Variants in DENND4C observed in about 807,000 individuals in gnomAD.
DENND4C encodes DENN domain-containing protein 4C.
In DENND4C, 108 loss-of-function variants were observed where a neutral mutation model predicts 203.0. The ratio of observed to expected loss-of-function variants is 0.53; its 90% CI spans 0.46 to 0.62. DENND4C has a LOEUF of 0.62. Among genes scored for constraint, DENND4C ranks in the 20% least tolerant of loss-of-function variants. The pLI, the probability that DENND4C is intolerant of heterozygous loss-of-function variation, is 0.00. For synonymous variants in DENND4C, 871 were observed against 792.4 expected (o/e 1.10, Z -1.67); for missense variants, 2,481 against 2,301.2 (o/e 1.08, Z -1.60).
chr9:19,369,545 T>C (rs548501692), intron 30 of DENND4C, among the ~76,000 whole-genome samples: 3 of 151,352 alleles, frequency 2.0e-5, no homozygotes, highest in Admixed American at 1.3e-4. Context: ...GGGAGGCAGA[T>C]TGCTTGAGCC....
chr9:19,331,732 A>G (rs1165434059), intron 16 of DENND4C, among the ~76,000 whole-genome samples: 2 of 152,138 alleles, frequency 1.3e-5, no homozygotes, highest in Non-Finnish European at 2.9e-5. Flanking sequence ...CTTAATTTCT[A>G]CTCTGTTAAG....
chr9:19,235,759 C>T (rs990426119), intron 1 of DENND4C, among the ~76,000 whole-genome samples: 11 of 151,818 alleles, frequency 7.2e-5, no homozygotes, highest in Middle Eastern at 3.4e-3. Context: ...TTTAGGTGCC[C>T]GCCACCACGC....
intron 1 of DENND4C, among the ~76,000 whole-genome samples, chr9:19,257,426 G>T (rs1828269698): frequency 6.6e-6 from 1 of 150,992 alleles, no homozygotes; most frequent in Admixed American, 6.6e-5. Flanking sequence ...CTTAGGAAAT[G>T]ATTTGTAGCA....
chr9:19,286,958 C>G lies in DENND4C; in HGVS notation c.495C>G (p.Thr165=). 8.1e-7 allele frequency: 1 copy of G among 1,232,020 alleles called. No homozygotes were observed. The highest frequency in any genetic ancestry group is 1.6e-5 in the African/African-American group (1 of 64,506). The allele number at this position is 1,232,020 out of a possible 1,614,324, so 76.3% of individuals were successfully genotyped here. Residue 165 remains threonine, a synonymous_variant, in exon 3 of 33, where the codon ACC becomes ACG. Transcript: ENST00000434457. The stretch of plus-strand genomic sequence containing the variant: ...TAACTGATATCTGTGTTATTGTAAC[C>G]AGTAAAGGAGAAACTCCTCCTCATA... ...LAVTDICVIV[T]SKGETPPHTF...
At chr9:19,325,639 AG>A (rs1238948776) in intron 13 of DENND4C, among the ~76,000 whole-genome samples, 1 of 152,218 alleles carries the variant, frequency 6.6e-6, no homozygotes, top group African/African-American at 2.4e-5. Context: ...TCACTAATAA[AG>A]GGGCTTAATA....
intron 1 of DENND4C, among the ~76,000 whole-genome samples, chr9:19,246,483 A>G (rs1323591950): frequency 4.6e-5 from 7 of 152,166 alleles, no homozygotes; most frequent in South Asian, 2.1e-4. Flanking sequence ...ATGTCAAGCA[A>G]TCCTCCCACC....
intron 1 of DENND4C, among the ~76,000 whole-genome samples, chr9:19,237,622 G>A (rs1352347879): frequency 6.6e-6 from 1 of 152,194 alleles, no homozygotes; most frequent in African/African-American, 2.4e-5. Flanking sequence ...CTCCCAAAGT[G>A]CTGGGATTAC....
intron 16 of DENND4C, among the ~76,000 whole-genome samples, chr9:19,331,131 T>C (rs1485140719): frequency 1.3e-5 from 2 of 151,764 alleles, no homozygotes; most frequent in Non-Finnish European, 2.9e-5. Context: ...TACCTAAATC[T>C]GAATGAAAAC....
At position 19,335,065 on chromosome 9, in the gene DENND4C, G is replaced by A; in HGVS notation, c.2549G>A (p.Arg850Lys). Reference protein sequence around the residue: ...VRVLFEMKTARIKPNAITYGY... With the variant: ...VRVLFEMKTAKIKPNAITYGY... Reference sequence around the variant, plus strand: ...GTCTTATTTGAAATGAAAACTGCTAGGATAAAGCCTAATGCTATTACTTAT... The same window carrying A: ...GTCTTATTTGAAATGAAAACTGCTAAGATAAAGCCTAATGCTATTACTTAT... Residue 850 changes from arginine (R) to lysine (K), a missense_variant, in exon 18 of 33, where the codon AGG becomes AAG. Around this residue, in one of 3 missense-constraint regions of DENND4C, gnomAD observed 2,289 missense variants for 2,113.3 expected, o/e 1.08. Coordinates refer to ENST00000434457, the MANE Select transcript of DENND4C (RefSeq NM_001330640.2). 1.2e-6 allele frequency: 2 copies of A among 1,612,030 alleles called. No individual in the cohort carries two copies. The highest frequency in any genetic ancestry group is 1.7e-6 in the Non-Finnish European group (2 of 1,178,972).
At position 19,296,195 on chromosome 9, in the gene DENND4C, T is replaced by C. The variant is rs369054550; in HGVS notation, c.989T>C (p.Met330Thr). ...TTTGAAGCTTTTAGGAAATTTCTTA[T>C]GTTTATCTACAAACTTTCTGTGTCT... ...PFFEAFRKFLMFIYKLSVSGP... is the reference protein window; with the variant it reads ...PFFEAFRKFLTFIYKLSVSGP... The change falls in exon 6 of 33, where the codon ATG becomes ACG. Residue 330 changes from methionine to threonine, a missense_variant. Met to Thr is a moderately conservative substitution (Grantham distance 81, BLOSUM62 -1). Transcript: ENST00000434457. 3.7e-6 allele frequency: 6 copies of C among 1,613,964 alleles called. No homozygotes were observed. Among genetic ancestry groups the C allele is most frequent in the South Asian group, 2.2e-5 (2 of 91,066 alleles).
At position 19,346,002 on chromosome 9, in the gene DENND4C, A is replaced by G; in HGVS notation, c.3233A>G (p.Asn1078Ser). 1 of 1,614,166 alleles carries G rather than the reference A, an allele frequency of 6.2e-7. No individual in the cohort carries two copies. The highest frequency in any genetic ancestry group is 1.1e-5 in the South Asian group (1 of 91,080). ...GGCGAAGCTACTAATCTCAAGAAGA[A>G]TGGTGATAGAGGAGAAAAAAGACAA... ...VFGEATNLKK[N>S]GDRGEKRQKH... is the part of the protein sequence containing the mutation. The change falls in exon 23 of 33, where the codon AAT becomes AGT. Residue 1078 changes from asparagine (N) to serine (S), a missense_variant. This residue lies in a region of DENND4C where 2,289 missense variants were observed against 2,113.3 expected (regional missense o/e 1.08). Coordinates refer to ENST00000434457, the MANE Select transcript of DENND4C (RefSeq NM_001330640.2).
At chr9:19,340,490 G>C (rs545327515) in intron 20 of DENND4C, among the ~76,000 whole-genome samples, 15 of 152,010 alleles carry the variant, frequency 9.9e-5, no homozygotes, top group African/African-American at 3.6e-4. Context: ...TTAACATGCA[G>C]AAGTGTATTC....
chr9:19,309,768 G>A (rs953746717), intron 10 of DENND4C, among the ~76,000 whole-genome samples: 1 of 150,794 alleles, frequency 6.6e-6, no homozygotes, highest in Non-Finnish European at 1.5e-5. Context: ...TATCGTAATT[G>A]TATATATTTA....
At chr9:19,258,723 C>T (rs1255457394) in intron 1 of DENND4C, among the ~76,000 whole-genome samples, 2 of 151,678 alleles carry the variant, frequency 1.3e-5, no homozygotes, top group Non-Finnish European at 2.9e-5. Flanking sequence ...GGCGTGATCT[C>T]GGCTCACTGC....
chr9:19,241,638 A>G (rs548331135), intron 1 of DENND4C, among the ~76,000 whole-genome samples: 1 of 151,844 alleles, frequency 6.6e-6, no homozygotes, highest in South Asian at 2.1e-4. Context: ...GTCTTGTCCT[A>G]CTGGAAGGTC....
chr9:19,360,972 C>T (rs1392010710), intron 29 of DENND4C, among the ~76,000 whole-genome samples: 1 of 152,158 alleles, frequency 6.6e-6, no homozygotes, highest in African/African-American at 2.4e-5. Context: ...TTTCTGGGTT[C>T]AAGTGATTCT....
intron 17 of DENND4C, 68 bp from the exon 18 acceptor site, chr9:19,334,909 T>A: frequency 1.4e-6 from 2 of 1,384,588 alleles, no homozygotes; most frequent in Middle Eastern, 3.8e-4. Flanking sequence ...AAGAATTCAG[T>A]AAAATCTCTA....
intron 30 of DENND4C, among the ~76,000 whole-genome samples, chr9:19,368,932 G>A (rs1159994634): frequency 6.6e-6 from 1 of 152,128 alleles, no homozygotes. Flanking sequence ...CAGGAGGACT[G>A]CTTGAGGCTG....
chr9:19,240,680 A>G (rs944878303), intron 1 of DENND4C, among the ~76,000 whole-genome samples: 8 of 151,296 alleles, frequency 5.3e-5, no homozygotes, highest in South Asian at 2.1e-4. Context: ...AACAAAAAAA[A>G]AAAAGGCCAG....
Sources: allele counts gnomAD v4.1 joint callset (sites outside exome capture counted in the v4.1 genomes callset), GRCh38; gene constraint gnomAD v4.1.1; regional missense constraint gnomAD v4.1.1; transcripts MANE v1.5; gene names NCBI Gene and HGNC (gene_info 2026-07-23, HGNC 2026-07-21).